Variants in KDM4C observed in about 807,000 individuals in gnomAD.
The protein encoded by KDM4C is lysine-specific demethylase 4C.
In KDM4C, 81 loss-of-function variants were observed where a neutral mutation model predicts 129.3. The ratio of observed to expected loss-of-function variants is 0.63; its 90% confidence interval spans 0.52 to 0.75. The LOEUF (loss-of-function observed/expected upper bound fraction) is 0.75. Among genes scored for constraint, KDM4C ranks in the 30% least tolerant of loss-of-function variants. The probability of loss-of-function intolerance (pLI) is 0.00; values close to 1 mark genes in which losing one functional copy is unlikely to be tolerated. For missense variants in KDM4C, 1,457 were observed against 1,304.0 expected (o/e 1.12, Z -1.81); for synonymous variants, 573 against 456.1 (o/e 1.26, Z -3.26).
At chr9:6,746,924 T>G (rs961650995) in intron 1 of KDM4C, among the ~76,000 whole-genome samples, 5 of 133,034 alleles carry the variant, frequency 3.8e-5, no homozygotes, top group South Asian at 2.3e-4. Context: ...GAGAATGGCG[T>G]GAATCCGGGA....
rs1829507773 is a variant in KDM4C, at chr9:7,047,058, G to T, written c.2315+141G>T. On this transcript the variant is annotated intron_variant, in intron 16 of 21. Coordinates refer to ENST00000381309, the MANE Select transcript of KDM4C (RefSeq NM_015061.6). ...CTCAGATCTGAGGTTGGAATTCTGT[G>T]CTTCAGAGACTTCTACTGTTTGCAC... The T allele has an allele frequency of 4.8e-6, 3 of 627,890 alleles. No individual in the cohort carries two copies. The East Asian group carries it at 8.4e-5, about 18-fold the overall frequency. 38.9% of individuals were successfully genotyped at this position (627,890 alleles called of 1,614,324 possible). A position where few individuals can be genotyped will look rare whatever the true frequency, so the allele number is the denominator to read the frequency against.
chr9:7,163,902 A>G (rs538750560), intron 19 of KDM4C, among the ~76,000 whole-genome samples: 95 of 152,310 alleles, frequency 6.2e-4, no homozygotes, highest in African/African-American at 2.0e-3. Context: ...TTTAGCTCCA[A>G]TGGAAGCATA....
intron 4 of KDM4C, among the ~76,000 whole-genome samples, chr9:6,836,344 C>T (rs1835870921): frequency 6.6e-6 from 1 of 152,050 alleles, no homozygotes. Flanking sequence ...TGCACTCCAG[C>T]CTGGGGGACA....
At chr9:7,118,837 G>T (rs750164881) in intron 18 of KDM4C, among the ~76,000 whole-genome samples, 3 of 152,012 alleles carry the variant, frequency 2.0e-5, no homozygotes, top group Non-Finnish European at 4.4e-5. Context: ...TGACATCTCC[G>T]CCCATGACTC....
chr9:7,169,940 C>T (rs764276427), intron 21 of KDM4C, 50 bp downstream of exon 21: 1 of 1,611,582 alleles, frequency 6.2e-7, no homozygotes. Context: ...AATTCCTTGT[C>T]CTCACCTCAT....
At chr9:6,988,547 T>A (rs1359476325) in intron 11 of KDM4C, among the ~76,000 whole-genome samples, 1 of 152,218 alleles carries the variant, frequency 6.6e-6, no homozygotes, top group Non-Finnish European at 1.5e-5. Context: ...ACTTAATTTT[T>A]GTGTAGTTTT....
intron 19 of KDM4C, among the ~76,000 whole-genome samples, chr9:7,140,841 C>T (rs1841672709): frequency 6.6e-6 from 1 of 152,118 alleles, no homozygotes; most frequent in Non-Finnish European, 1.5e-5. Context: ...TGAGAGAAGT[C>T]CTGGGATGAC....
At chr9:7,052,301 T>C (rs554721259) in intron 17 of KDM4C, among the ~76,000 whole-genome samples, 16 of 152,366 alleles carry the variant, frequency 1.1e-4, no homozygotes, top group South Asian at 6.2e-4. Context: ...AACAACCAAA[T>C]TGAATACTAA....
intron 8 of KDM4C, among the ~76,000 whole-genome samples, chr9:6,973,261 T>C (rs1185144545): frequency 2.0e-5 from 3 of 152,246 alleles, no homozygotes; most frequent in Non-Finnish European, 4.4e-5. Context: ...CAGGCTGCTC[T>C]TGAACTTCTG....
intron 19 of KDM4C, among the ~76,000 whole-genome samples, chr9:7,163,631 G>A (rs924063737): frequency 6.6e-6 from 1 of 152,036 alleles, no homozygotes. Context: ...CTCGGAGACT[G>A]ACGCATGTAA....
At chr9:6,863,139 TAAAAAC>T (rs1841268833) in intron 5 of KDM4C, among the ~76,000 whole-genome samples, 2 of 152,046 alleles carry the variant, frequency 1.3e-5, no homozygotes, top group African/African-American at 4.8e-5. Context: ...AGAAACAAAA[TAAAAAC>T]AAAAAAACCC....
chr9:6,805,586 A>C lies in KDM4C; in HGVS notation c.145-13A>C. 1.9e-6 allele frequency: 3 copies of C among 1,574,160 alleles called. No homozygotes were observed. The highest frequency in any genetic ancestry group is 2.6e-6 in the Non-Finnish European group (3 of 1,157,402). On this transcript the variant is annotated splice_polypyrimidine_tract_variant and intron_variant, in intron 2 of 21. Coordinates refer to ENST00000381309, the MANE Select transcript of KDM4C (RefSeq NM_015061.6). ...TTTCAAGATGATATTTTATTTCATTATTTTATTTTTAGGTGATTCCTCCTA... is the reference window on the plus strand; with the variant it reads ...TTTCAAGATGATATTTTATTTCATTCTTTTATTTTTAGGTGATTCCTCCTA...
At chr9:6,973,025 T>A (rs1054154889) in intron 8 of KDM4C, among the ~76,000 whole-genome samples, 10 of 152,294 alleles carry the variant, frequency 6.6e-5, no homozygotes, top group African/African-American at 2.4e-4. Context: ...AGTCTCATAC[T>A]TGAGAGGGAA....
chr9:6,927,054 T>C (rs1822704806), intron 8 of KDM4C, among the ~76,000 whole-genome samples: 1 of 152,102 alleles, frequency 6.6e-6, no homozygotes, highest in African/African-American at 2.4e-5. Context: ...CAGAAGAAAA[T>C]TAACCCCTTA....
intron 5 of KDM4C, among the ~76,000 whole-genome samples, chr9:6,862,737 G>A (rs1444079681): frequency 2.0e-5 from 3 of 152,148 alleles, no homozygotes; most frequent in East Asian, 3.8e-4. Context: ...ATCCCGGGAG[G>A]AGGAGGATGC....
chr9:6,866,922 T>C (rs939736962), intron 5 of KDM4C, among the ~76,000 whole-genome samples: 1 of 143,032 alleles, frequency 7.0e-6, no homozygotes, highest in African/African-American at 2.6e-5. Context: ...TATATATATA[T>C]AGAAAAATGT....
intron 12 of KDM4C, among the ~76,000 whole-genome samples, chr9:7,002,520 T>G (rs977078659): frequency 1.3e-5 from 2 of 152,196 alleles, no homozygotes; most frequent in African/African-American, 4.8e-5. Flanking sequence ...ATCATGTGGC[T>G]CTTTCTCCTT....
At chr9:7,158,483 T>C (rs1204620603) in intron 19 of KDM4C, among the ~76,000 whole-genome samples, 1 of 152,212 alleles carries the variant, frequency 6.6e-6, no homozygotes, top group Non-Finnish European at 1.5e-5. Flanking sequence ...GGGCATTTAG[T>C]GCTATAAATT....
intron 18 of KDM4C, among the ~76,000 whole-genome samples, chr9:7,126,417 T>C (rs2133334975): frequency 6.6e-6 from 1 of 152,308 alleles, no homozygotes; most frequent in East Asian, 1.9e-4. Flanking sequence ...TAAAAATTAC[T>C]TGGGTGTATT....
Sources: allele counts gnomAD v4.1 joint callset (sites outside exome capture counted in the v4.1 genomes callset), GRCh38; gene constraint gnomAD v4.1.1; transcripts MANE v1.5; gene names NCBI Gene and HGNC (gene_info 2026-07-23, HGNC 2026-07-21).